ATRN: variants seen among roughly 807,000 people sequenced by gnomAD.
ATRN encodes the protein attractin.
Under a neutral mutation model 178.7 loss-of-function variants are expected in ATRN, and 54 were observed. The ratio of observed to expected loss-of-function variants is 0.30; its 90% CI spans 0.24 to 0.38. The LOEUF (loss-of-function observed/expected upper bound fraction) is 0.38, where lower values mean the gene tolerates loss of function less well. ATRN is among the 10% of genes least tolerant of loss of function. ATRN has a pLI of 1.00. For synonymous variants in ATRN, 636 were observed against 663.0 expected, an observed-to-expected ratio of 0.96 and a Z score of 0.63; for missense variants, 1,443 against 1,815.1, an observed-to-expected ratio of 0.79 and a Z score of 3.73.
In ATRN at chr20:3,583,891, T is replaced by C. The variant is rs745883465; in HGVS notation, c.2765-7T>C. 1 of 1,611,630 alleles carries C rather than the reference T, an allele frequency of 6.2e-7. No homozygotes were observed. The highest frequency in any genetic ancestry group is 1.1e-5 in the South Asian group (1 of 91,036). ...CTCTAAGTGTCTCTCTTGGGTTTCA[T>C]TCCCAGCAAACCACAGTGCTAAGCA... On this transcript the variant is annotated splice_polypyrimidine_tract_variant and splice_region_variant and intron_variant, in intron 16 of 28. Coordinates refer to ENST00000262919, the MANE Select transcript of ATRN (RefSeq NM_139321.3).
At chr20:3,502,416 A>G (rs1271114422) in intron 1 of ATRN, among the ~76,000 whole-genome samples, 1 of 152,178 alleles carries the variant, frequency 6.6e-6, no homozygotes, top group Non-Finnish European at 1.5e-5. Context: ...ACAGCATTGG[A>G]AGAACAACAT....
chr20:3,543,727 G>GA (rs138671464), intron 3 of ATRN, among the ~76,000 whole-genome samples: 192 of 134,670 alleles, frequency 1.4e-3, no homozygotes, highest in Admixed American at 2.7e-3. Context: ...TCGGTCTCAA[G>GA]AAAAAAAAAA....
chr20:3,602,135 G>T (rs185458505), intron 23 of ATRN, among the ~76,000 whole-genome samples: 181 of 152,106 alleles, frequency 1.2e-3, no homozygotes, highest in African/African-American at 4.1e-3. Context: ...TTTGAGACCA[G>T]CCTGGCCAAC....
rs963474947 is a variant in ATRN, at chr20:3,562,427, T to A, written c.1599T>A (p.Asp533Glu). ...CCAATAAGTACCGGCTTGCAGATGATCTCTACCGATATGATGTGGATACCC... is the reference window on the plus strand; with the variant it reads ...CCAATAAGTACCGGCTTGCAGATGAACTCTACCGATATGATGTGGATACCC... Reference protein sequence around the residue: ...FSANKYRLADDLYRYDVDTQM... With the variant: ...FSANKYRLADELYRYDVDTQM... Residue 533 changes from aspartate (D) to glutamate (E), a missense_variant, in exon 9 of 29, where the codon GAT (aspartate) becomes GAA (glutamate). By Grantham distance (45) the Asp-to-Glu change is conservative. This residue lies in a region of ATRN where 862 missense variants were observed against 972.1 expected (regional missense o/e 0.89). Transcript: ENST00000262919. 16 of 1,614,060 alleles carry A rather than the reference T, an allele frequency of 9.9e-6. No individual in the cohort carries two copies. The highest frequency in any genetic ancestry group is 1.3e-5 in the African/African-American group (1 of 74,912).
chr20:3,496,931 CTT>C (rs1187537778), intron 1 of ATRN, among the ~76,000 whole-genome samples: 4 of 151,070 alleles, frequency 2.6e-5, no homozygotes, highest in Non-Finnish European at 4.4e-5. Context: ...TTCTTTGTCT[CTT>C]TTGATCTTTG....
intron 1 of ATRN, among the ~76,000 whole-genome samples, chr20:3,530,264 A>G (rs2085433975): frequency 1.4e-5 from 2 of 147,572 alleles, no homozygotes; most frequent in East Asian, 1.9e-4. Context: ...TATTATATAT[A>G]TATGTTTTTT....
intron 11 of ATRN, among the ~76,000 whole-genome samples, chr20:3,565,652 C>T (rs2086023214): frequency 6.6e-6 from 1 of 151,714 alleles, no homozygotes; most frequent in Non-Finnish European, 1.5e-5. Context: ...TGTAATCCCC[C>T]CTAGTTGGGA....
intron 1 of ATRN, among the ~76,000 whole-genome samples, chr20:3,508,423 A>C (rs2085077702): frequency 6.6e-6 from 1 of 152,212 alleles, no homozygotes; most frequent in African/African-American, 2.4e-5. Context: ...GCTATTCTGC[A>C]TTGTTGCATG....
chr20:3,525,611 A>T (rs1397995653), intron 1 of ATRN, among the ~76,000 whole-genome samples: 1 of 152,216 alleles, frequency 6.6e-6, no homozygotes, highest in Admixed American at 6.5e-5. Flanking sequence ...AGAAAATTTC[A>T]GGCCAATATC....
At chr20:3,532,254 A>C (rs1568711501) in intron 1 of ATRN, among the ~76,000 whole-genome samples, 1 of 152,250 alleles carries the variant, frequency 6.6e-6, no homozygotes, top group African/African-American at 2.4e-5. Context: ...GGAGAGCCAT[A>C]AAACCTTTTA....
At chr20:3,618,853 G>C (rs925288526) in intron 24 of ATRN, among the ~76,000 whole-genome samples, 5 of 151,946 alleles carry the variant, frequency 3.3e-5, no homozygotes, top group African/African-American at 1.2e-4. Flanking sequence ...GTTTTGTTTC[G>C]TTTTTTAAGA....
Position 3,594,595 on chromosome 20 carries a change from C to T in ATRN, c.3416+23C>T, listed in dbSNP as rs750114953. 3.1e-6 allele frequency: 5 copies of T among 1,587,404 alleles called. No individual in the cohort carries two copies. In the South Asian group the frequency reaches 3.4e-5, roughly 11 times the overall value. ...GCTGTGAGTACCATACTCCCTGGAC[C>T]ACCAGGGAGGACCAAGAGGCTGTGC... On this transcript the variant is annotated intron_variant, in intron 20 of 28. Coordinates refer to ENST00000262919, the MANE Select transcript of ATRN (RefSeq NM_139321.3).
chr20:3,527,369 A>G (rs1264627314), intron 1 of ATRN, among the ~76,000 whole-genome samples: 1 of 152,148 alleles, frequency 6.6e-6, no homozygotes, highest in African/African-American at 2.4e-5. Context: ...CAAAACCACA[A>G]TGAGATACCA....
intron 1 of ATRN, among the ~76,000 whole-genome samples, chr20:3,519,006 T>TATAAAAAAAAAAAAAAAA (rs770584938): frequency 2.3e-4 from 28 of 119,486 alleles, no homozygotes; most frequent in African/African-American, 5.0e-4. Context: ...TCCTTATATA[T>TATAAAAAAAAAAAAAAAA]AAAAAAAAAA....
intron 24 of ATRN, 21 bp from the exon 25 acceptor site, chr20:3,624,490 C>T: frequency 1.9e-6 from 3 of 1,605,110 alleles, no homozygotes; most frequent in Non-Finnish European, 2.6e-6. Context: ...CATAATCACA[C>T]TACCTGTTTT....
chr20:3,546,582 G>A (rs548232270), intron 4 of ATRN, among the ~76,000 whole-genome samples: 2 of 151,880 alleles, frequency 1.3e-5, no homozygotes, highest in African/African-American at 4.8e-5. Flanking sequence ...TAGTAGAGAC[G>A]GGGTTTCACC....
At position 3,605,958 on chromosome 20, in the gene ATRN, G is replaced by A. The variant is rs116261716; in HGVS notation, c.3801+1696G>A. Among the ~76,000 whole-genome samples the A allele has an allele frequency of 4.2e-3, 645 of 152,216 alleles. 5 individuals carry two copies. Among genetic ancestry groups the A allele is most frequent in the African/African-American group, 0.013 (533 of 41,524 alleles). ...ATCACTCATCAATTAGGATGCCTTG[G>A]GACTGTGACTAAAGAACAGTTGATC... On this transcript the variant is annotated intron_variant, in intron 24 of 28. Transcript: ENST00000262919.
intron 24 of ATRN, among the ~76,000 whole-genome samples, chr20:3,621,253 G>C (rs192699001): frequency 4.6e-5 from 7 of 152,322 alleles, no homozygotes; most frequent in African/African-American, 1.7e-4. Context: ...GGACCCCCAT[G>C]CACACAGGCA....
At chr20:3,549,985 C>T (rs1402450006) in intron 6 of ATRN, among the ~76,000 whole-genome samples, 1 of 152,158 alleles carries the variant, frequency 6.6e-6, no homozygotes, top group Non-Finnish European at 1.5e-5. Flanking sequence ...TAAAACACAT[C>T]ACACAACTAG....
Sources: allele counts gnomAD v4.1 joint callset (sites outside exome capture counted in the v4.1 genomes callset), GRCh38; gene constraint gnomAD v4.1.1; regional missense constraint gnomAD v4.1.1; transcripts MANE v1.5; gene names NCBI Gene and HGNC (gene_info 2026-07-23, HGNC 2026-07-21).